PUS10: variants seen among roughly 807,000 people sequenced by gnomAD.
PUS10 encodes pseudouridine synthase 10.
PUS10 carries 59 observed loss-of-function variants against 75.0 expected under a neutral mutation model. The ratio of observed to expected loss-of-function variants is 0.79; its 90% CI spans 0.64 to 0.98. PUS10 has a LOEUF of 0.98. Ranked by LOEUF, PUS10 falls within the 50% of genes least tolerant of loss-of-function variation. The pLI is 0.00. For synonymous variants in PUS10, 219 were observed against 211.6 expected (o/e 1.03, Z -0.30); for missense variants, 650 against 614.4 (o/e 1.06, Z -0.61).
intron 4 of PUS10, among the ~76,000 whole-genome samples, chr2:60,998,473 C>A (rs548728826): frequency 7.9e-5 from 12 of 152,108 alleles, no homozygotes; most frequent in Non-Finnish European, 1.5e-4. Context: ...GGACGCATCA[C>A]CTGTCAGGAG....
At chr2:60,960,682 A>G (rs1675973338) in intron 10 of PUS10, among the ~76,000 whole-genome samples, 165 bp from the exon 11 acceptor site, 1 of 152,146 alleles carries the variant, frequency 6.6e-6, no homozygotes, top group Non-Finnish European at 1.5e-5. Flanking sequence ...TGGGACATAT[A>G]CATGTAGATA....
At chr2:60,965,148 T>C in intron 7 of PUS10, 45 bp from the exon 8 acceptor site, 2 of 1,549,070 alleles carry the variant, frequency 1.3e-6, no homozygotes, top group Non-Finnish European at 1.8e-6. Context: ...TGAGTTTATT[T>C]TGGGGTAGAT....
At chr2:60,943,523 A>C (rs2104068534) in intron 17 of PUS10, among the ~76,000 whole-genome samples, 1 of 152,012 alleles carries the variant, frequency 6.6e-6, no homozygotes, top group African/African-American at 2.4e-5. Context: ...TTGACATTTA[A>C]AGTTTAAAAC....
At chr2:60,968,624 AG>A (rs1372931736) in intron 5 of PUS10, among the ~76,000 whole-genome samples, 2 of 152,172 alleles carry the variant, frequency 1.3e-5, no homozygotes, top group Non-Finnish European at 2.9e-5. Context: ...GAAAAAAAAA[AG>A]AATATGCAGA....
intron 2 of PUS10, among the ~76,000 whole-genome samples, chr2:61,009,277 T>C (rs1189981132): frequency 6.6e-6 from 1 of 152,208 alleles, no homozygotes; most frequent in Non-Finnish European, 1.5e-5. Context: ...GTCATAAATC[T>C]GAGGAGAAAG....
At chr2:60,988,160 G>A (rs1050464950) in intron 4 of PUS10, among the ~76,000 whole-genome samples, 6 of 151,968 alleles carry the variant, frequency 3.9e-5, no homozygotes, top group South Asian at 2.1e-4. Flanking sequence ...CTCACGAGAT[G>A]TCAAAAATGA....
At chr2:60,972,107 G>C (rs1308513977) in intron 4 of PUS10, among the ~76,000 whole-genome samples, 2 of 146,722 alleles carry the variant, frequency 1.4e-5, no homozygotes, top group Non-Finnish European at 3.0e-5. Flanking sequence ...GACATCAAGT[G>C]ATCCGCCCAC....
chr2:61,011,932 G>A (rs757468157), intron 1 of PUS10, 27 bp from the exon 2 acceptor site: 2 of 1,562,310 alleles, frequency 1.3e-6, no homozygotes, highest in Non-Finnish European at 8.6e-7. Flanking sequence ...TAAAACTAAT[G>A]AGCAGCTTCT....
intron 4 of PUS10, among the ~76,000 whole-genome samples, chr2:60,989,302 C>T (rs190493634): frequency 6.6e-6 from 1 of 152,144 alleles, no homozygotes; most frequent in Non-Finnish European, 1.5e-5. Context: ...CTCCATGCAG[C>T]CAGGTGAATG....
At chr2:61,005,741 T>C (rs1679168172) in intron 4 of PUS10, among the ~76,000 whole-genome samples, 1 of 152,234 alleles carries the variant, frequency 6.6e-6, no homozygotes, top group Non-Finnish European at 1.5e-5. Context: ...AGATACTATA[T>C]AAAATCATTC....
At chr2:60,982,908 C>A (rs910893514) in intron 4 of PUS10, among the ~76,000 whole-genome samples, 3 of 151,954 alleles carry the variant, frequency 2.0e-5, no homozygotes, top group Non-Finnish European at 2.9e-5. Context: ...TGACTCACTG[C>A]AGCCTCTAAC....
At chr2:60,948,713 A>T (rs1254416255) in intron 15 of PUS10, among the ~76,000 whole-genome samples, 1 of 152,194 alleles carries the variant, frequency 6.6e-6, no homozygotes, top group Non-Finnish European at 1.5e-5. Context: ...GGGACCTTTC[A>T]ATGTTTGTTA....
intron 4 of PUS10, among the ~76,000 whole-genome samples, chr2:60,985,067 C>A (rs1049429008): frequency 2.6e-5 from 4 of 152,126 alleles, no homozygotes; most frequent in Admixed American, 2.6e-4. Flanking sequence ...ACTTGTGAAT[C>A]CTTTTCAGAA....
intron 5 of PUS10, 69 bp downstream of exon 5, chr2:60,971,454 A>G: frequency 7.2e-7 from 1 of 1,394,870 alleles, no homozygotes; most frequent in South Asian, 1.2e-5. Flanking sequence ...TTGTAGTAGT[A>G]AAAGTGCTTT....
chr2:60,980,024 CAA>C (rs1299964004), intron 4 of PUS10, among the ~76,000 whole-genome samples: 1 of 152,000 alleles, frequency 6.6e-6, no homozygotes, highest in Non-Finnish European at 1.5e-5. Context: ...TTGGAAATAA[CAA>C]GAGGAAATTC....
chr2:60,960,863 C>T (rs913013313), intron 10 of PUS10, among the ~76,000 whole-genome samples: 11 of 116,220 alleles, frequency 9.5e-5, no homozygotes, highest in Non-Finnish European at 2.0e-4. Context: ...AAAAAAAAAA[C>T]GCAACCAAAC....
chr2:61,001,527 T>C (rs1252922383), intron 4 of PUS10, among the ~76,000 whole-genome samples: 3 of 152,176 alleles, frequency 2.0e-5, no homozygotes, highest in Non-Finnish European at 4.4e-5. Flanking sequence ...TCCACCCACC[T>C]CAGCCCCACA....
chr2:60,999,434 G>C (rs1316727387), intron 4 of PUS10, among the ~76,000 whole-genome samples: 1 of 152,034 alleles, frequency 6.6e-6, no homozygotes, highest in African/African-American at 2.4e-5. Context: ...TGGCAACATA[G>C]GGAAACCTCA....
chr2:61,002,041 T>C (rs1678890476), intron 4 of PUS10, among the ~76,000 whole-genome samples: 1 of 152,200 alleles, frequency 6.6e-6, no homozygotes, highest in Non-Finnish European at 1.5e-5. Flanking sequence ...CAGTTTTTCA[T>C]TTAGGACTAG....
Sources: allele counts gnomAD v4.1 joint callset (sites outside exome capture counted in the v4.1 genomes callset), GRCh38; gene constraint gnomAD v4.1.1; transcripts MANE v1.5; gene names NCBI Gene and HGNC (gene_info 2026-07-23, HGNC 2026-07-21).